The following NUAK1 variants were observed in gnomAD, a reference collection of about 807,000 sequenced individuals.
NUAK1 encodes NUAK family kinase 1, also known as NUAK family SNF1-like kinase 1.
Under a neutral mutation model 56.9 loss-of-function variants are expected in NUAK1, and 26 were observed. The observed-to-expected ratio is 0.46, with a 90% CI of 0.33 to 0.63. The LOEUF (loss-of-function observed/expected upper bound fraction) is 0.63. NUAK1 is among the 30% of genes least tolerant of loss of function. NUAK1 has a pLI of 0.02. For missense variants in NUAK1, 727 were observed against 876.1 expected (o/e 0.83, Z 2.15); for synonymous variants, 337 against 336.0 (o/e 1.00, Z -0.03).
At chr12:106,110,510 T>C (rs2032847965) in intron 1 of NUAK1, among the ~76,000 whole-genome samples, 1 of 152,150 alleles carries the variant, frequency 6.6e-6, no homozygotes, top group African/African-American at 2.4e-5. Flanking sequence ...TCTCCAGTTT[T>C]CCTCAATTCT....
chr12:106,099,807 G>A (rs933073079), intron 2 of NUAK1, among the ~76,000 whole-genome samples: 1 of 151,376 alleles, frequency 6.6e-6, no homozygotes, highest in Non-Finnish European at 1.5e-5. Context: ...ATTTATTTTT[G>A]TGAGATGGGG....
intron 2 of NUAK1, among the ~76,000 whole-genome samples, chr12:106,096,354 A>G (rs766273587): frequency 6.6e-6 from 1 of 152,186 alleles, no homozygotes; most frequent in Non-Finnish European, 1.5e-5. Flanking sequence ...TGAAAATAAT[A>G]ACTTGAAGGT....
chr12:106,131,899 C>A (rs1243333626), intron 1 of NUAK1, among the ~76,000 whole-genome samples: 5 of 152,146 alleles, frequency 3.3e-5, no homozygotes, highest in Non-Finnish European at 5.9e-5. Flanking sequence ...AGGCCCAGCC[C>A]CTCCTACTCT....
At position 106,066,715 on chromosome 12, in the gene NUAK1, C is replaced by T. The variant is rs775958450; in HGVS notation, c.*87G>A. 532 of 1,120,628 alleles carry T rather than the reference C, an allele frequency of 4.7e-4. 1 individual carries two copies. The highest frequency in any genetic ancestry group is 6.0e-4 in the Non-Finnish European group (467 of 777,506). The allele number at this position is 1,120,628 out of a possible 1,614,324, so 69.4% of individuals were successfully genotyped here. On this transcript the variant is annotated 3_prime_UTR_variant, in exon 7 of 7. Coordinates refer to ENST00000261402, the MANE Select transcript of NUAK1 (RefSeq NM_014840.3). ...ATCCTTTTTCAGTCTGTTGTCACAG[C>T]CAGCAAAGAGGTAACCAGCCTGTGA...
intron 2 of NUAK1, among the ~76,000 whole-genome samples, chr12:106,091,935 C>A (rs1156828290): frequency 6.6e-6 from 1 of 152,112 alleles, no homozygotes; most frequent in Admixed American, 6.5e-5. Context: ...GTGGCTCACA[C>A]CTGAAATCTC....
intron 1 of NUAK1, among the ~76,000 whole-genome samples, chr12:106,128,034 C>T (rs76860684): frequency 0.017 from 2,648 of 151,980 alleles, 74 homozygotes; most frequent in African/African-American, 0.057. Context: ...ATTTCACAGA[C>T]GAAGAAACCG....
chr12:106,121,731 C>T (rs1478695751), intron 1 of NUAK1, among the ~76,000 whole-genome samples: 2 of 151,056 alleles, frequency 1.3e-5, no homozygotes, highest in Admixed American at 6.6e-5. Flanking sequence ...GCCTGGGGTA[C>T]AGAGCGAGAC....
intron 2 of NUAK1, chr12:106,105,939 C>T (rs188249152): frequency 6.5e-6 from 1 of 152,806 alleles, no homozygotes; most frequent in Non-Finnish European, 1.5e-5. Context: ...TCTGCTGCAC[C>T]AACCCTCTTT....
intron 1 of NUAK1, among the ~76,000 whole-genome samples, chr12:106,126,908 C>G (rs1275250673): frequency 6.6e-6 from 1 of 152,216 alleles, no homozygotes; most frequent in Non-Finnish European, 1.5e-5. Context: ...GGACCAAAAG[C>G]AAAGCCCCTT....
intron 1 of NUAK1, among the ~76,000 whole-genome samples, chr12:106,106,886 T>C (rs2032808459): frequency 6.6e-6 from 1 of 152,074 alleles, no homozygotes; most frequent in Admixed American, 6.5e-5. Flanking sequence ...GTTTACAGGG[T>C]ACTGATGATT....
In NUAK1 at chr12:106,138,845, G is replaced by T. The variant is rs2033157186; in HGVS notation, c.-192C>A. ...GGACTGCACATCTGGCGCCCGCGGC[G>T]CGCACGGTCCGCGCACCGCCCCCCG... On this transcript the variant is annotated 5_prime_UTR_variant, in exon 1 of 7. Transcript: ENST00000261402. This position sits in a 1 kb window ranked among gnomAD's most constrained non-coding sequence, Gnocchi z 5.0. The T allele has an allele frequency of 1.4e-6, 1 of 695,240 alleles. No individual in the cohort carries two copies. The highest frequency in any genetic ancestry group is 2.0e-6 in the Non-Finnish European group (1 of 487,890). 43.1% of individuals were successfully genotyped at this position (695,240 alleles called of 1,614,324 possible).
At chr12:106,103,081 C>T (rs1321093889) in intron 2 of NUAK1, 1 of 152,272 alleles carries the variant, frequency 6.6e-6, no homozygotes, top group African/African-American at 2.4e-5. Context: ...ACTAAATATT[C>T]TTCCGTTAAG....
At chr12:106,095,934 A>G (rs2032692079) in intron 2 of NUAK1, among the ~76,000 whole-genome samples, 2 of 152,172 alleles carry the variant, frequency 1.3e-5, no homozygotes, top group Non-Finnish European at 2.9e-5. Flanking sequence ...GGTGGGGAGC[A>G]CAATCAAAAA....
Position 106,083,939 on chromosome 12 carries a change from G to A in NUAK1, c.514-10C>T, listed in dbSNP as rs1396035669. ...GGTGGACCACACCGTTCTGAAATGA[G>A]AAGACAAAGAGGGAATTGAATGGGA... On this transcript the variant is annotated splice_polypyrimidine_tract_variant and intron_variant, in intron 3 of 6. Transcript: ENST00000261402. The A allele has an allele frequency of 2.5e-6, 4 of 1,613,068 alleles. No individual in the cohort carries two copies. The South Asian group carries it at 4.4e-5, about 18-fold the overall frequency.
chr12:106,137,613 A>C (rs991487602), intron 1 of NUAK1, among the ~76,000 whole-genome samples: 11 of 152,236 alleles, frequency 7.2e-5, no homozygotes, highest in Non-Finnish European at 1.3e-4. Flanking sequence ...CACTCCTTGG[A>C]GCTGTGCAAA....
Position 106,063,654 on chromosome 12 carries a change from T to A in NUAK1, c.*3148A>T, listed in dbSNP as rs1471871954. The A allele has an allele frequency of 1.3e-5, 2 of 149,944 alleles. No homozygotes were observed. Among genetic ancestry groups the A allele is most frequent in the Non-Finnish European group, 3.0e-5 (2 of 67,558 alleles). The allele number at this position is 149,944 out of a possible 1,614,324, so 9.3% of individuals were successfully genotyped here. A position where few individuals can be genotyped will look rare whatever the true frequency, so the allele number is the denominator to read the frequency against. On this transcript the variant is annotated 3_prime_UTR_variant, in exon 7 of 7. Coordinates refer to ENST00000261402, the MANE Select transcript of NUAK1 (RefSeq NM_014840.3). Reference sequence around the variant, plus strand: ...GTCAACTTTTTATTACCAAAAAAAATAGAAATTAAATAAAAGTCACAATGT... The same window carrying A: ...GTCAACTTTTTATTACCAAAAAAAAAAGAAATTAAATAAAAGTCACAATGT...
intron 2 of NUAK1, among the ~76,000 whole-genome samples, chr12:106,091,319 A>AT (rs2032632917): frequency 6.6e-6 from 1 of 152,222 alleles, no homozygotes; most frequent in Admixed American, 6.5e-5. Context: ...TACCAGGAAA[A>AT]TTAAATCCCT....
At chr12:106,092,581 C>T (rs1257448721) in intron 2 of NUAK1, among the ~76,000 whole-genome samples, 5 of 152,064 alleles carry the variant, frequency 3.3e-5, no homozygotes, top group Admixed American at 1.3e-4. Context: ...TGCTCAATGT[C>T]GTCAAAGATT....
Position 106,086,861 on chromosome 12 carries a change from A to G in NUAK1, c.386T>C (p.Val129Ala). Residue 129 changes from valine (V) to alanine (A), a missense_variant, in exon 3 of 7, where the codon GTG becomes GCG. By Grantham distance (64) the Val-to-Ala change is moderately conservative. Transcript: ENST00000261402. ...TTTGCTGGCATATTCCATGATGATCACAATCTTATCTTTGTTCTCAAACAC... is the reference window on the plus strand; with the variant it reads ...TTTGCTGGCATATTCCATGATGATCGCAATCTTATCTTTGTTCTCAAACAC... ...YEVFENKDKI[V>A]IIMEYASKGE... 2 of 1,613,928 alleles carry G rather than the reference A, an allele frequency of 1.2e-6. No homozygotes were observed. Among genetic ancestry groups the G allele is most frequent in the Non-Finnish European group, 1.7e-6 (2 of 1,179,830 alleles).
Sources: gnomAD v4.1 joint callset for allele counts (sites outside exome capture counted in the v4.1 genomes callset) on GRCh38, gnomAD v4.1.1 for gene constraint, Gnocchi (gnomAD v3.1) non-coding constraint, MANE v1.5 for transcripts, NCBI Gene and HGNC (gene_info 2026-07-23, HGNC 2026-07-21) for gene names.